LIPA: variants seen among roughly 807,000 people sequenced by gnomAD.
LIPA encodes the protein lysosomal acid lipase/cholesteryl ester hydrolase.
Under a neutral mutation model 40.6 loss-of-function variants are expected in LIPA, and 26 were observed. That is an observed-to-expected ratio of 0.64 (90% CI 0.47 to 0.89). The LOEUF is 0.89. LIPA is among the 40% of genes least tolerant of loss of function. LIPA has a pLI of 0.00. For missense variants in LIPA, 455 were observed against 479.6 expected, an observed-to-expected ratio of 0.95 and a Z score of 0.48; for synonymous variants, 188 against 168.4, an observed-to-expected ratio of 1.12 and a Z score of -0.90.
chr10:89,237,898 T>A (rs1203201113), intron 3 of LIPA, among the ~76,000 whole-genome samples: 3 of 152,174 alleles, frequency 2.0e-5, no homozygotes, highest in Non-Finnish European at 4.4e-5. Flanking sequence ...CAGGAGGTCA[T>A]AAGGACCTTT....
At chr10:89,406,875 A>G (rs967137807) in intron 2 of LIPA, among the ~76,000 whole-genome samples, 3 of 152,152 alleles carry the variant, frequency 2.0e-5, no homozygotes, top group Non-Finnish European at 4.4e-5. Context: ...CCTATCACCT[A>G]TCGCCAAGCA....
Position 89,317,704 on chromosome 10 carries a change from G to C in LIPA, c.-2+24907C>G, listed in dbSNP as rs144569932. ...AAGGGAGGCTAACATTCAAATTCAG[G>C]AAATACGGAGAACGCCACAAAGATA... is the stretch of plus-strand genomic sequence containing the variant. On this transcript the variant is annotated intron_variant, in intron 1 of 5. Transcript: ENST00000282673. Among the ~76,000 whole-genome samples the C allele has an allele frequency of 6.7e-3, 1,024 of 152,278 alleles. 16 individuals carry two copies. Among genetic ancestry groups the C allele is most frequent in the East Asian group, 0.051 (266 of 5,186 alleles).
intron 1 of LIPA, 56 bp from the exon 2 acceptor site, chr10:89,247,705 T>C (rs1843047495): frequency 2.3e-6 from 3 of 1,287,690 alleles, no homozygotes; most frequent in Non-Finnish European, 2.2e-6. Flanking sequence ...ACAAAAATAT[T>C]CTGGTAACTT....
At position 89,319,937 on chromosome 10, in the gene LIPA, CA is replaced by C. The variant is rs1360743644; in HGVS notation, c.-2+22673del. Among the ~76,000 whole-genome samples, 3 of 152,210 alleles carry C rather than the reference CA, an allele frequency of 2.0e-5. No homozygotes were observed. The East Asian group carries it at 5.8e-4, about 29-fold the overall frequency. The stretch of plus-strand genomic sequence containing the variant: ...CATATGCAAATTAATAAATGTAATC[CA>C]GCATAAAAACAGAACCAAAGACAAA... On this transcript the variant is annotated intron_variant, in intron 1 of 5. Transcript: ENST00000282673.
chr10:89,244,466 C>T (rs1374583595), intron 3 of LIPA, among the ~76,000 whole-genome samples: 1 of 151,854 alleles, frequency 6.6e-6, no homozygotes, highest in Non-Finnish European at 1.5e-5. Context: ...TCTCCAGAAA[C>T]AAAAAAATGT....
intron 2 of LIPA, among the ~76,000 whole-genome samples, chr10:89,359,844 A>ACACAAAC (rs1844011374): frequency 9.0e-6 from 1 of 111,264 alleles, no homozygotes; most frequent in South Asian, 3.7e-4. Flanking sequence ...CACACACACA[A>ACACAAAC]ACACACACAC....
intron 5 of LIPA, among the ~76,000 whole-genome samples, chr10:89,225,816 A>G (rs577933999): frequency 5.1e-4 from 78 of 152,176 alleles, no homozygotes; most frequent in African/African-American, 1.8e-3. Context: ...GGTTCCCCCC[A>G]TACTGTTCTT....
At chr10:89,326,427 T>G (rs1257441025) in intron 1 of LIPA, among the ~76,000 whole-genome samples, 1 of 152,184 alleles carries the variant, frequency 6.6e-6, no homozygotes. Context: ...GAATGATGAT[T>G]ACTAGAGGCT....
chr10:89,355,417 A>G (rs1843983645), intron 2 of LIPA, among the ~76,000 whole-genome samples: 1 of 152,236 alleles, frequency 6.6e-6, no homozygotes, highest in Admixed American at 6.5e-5. Context: ...AATTTTTGCA[A>G]AGATGGTTTC....
At chr10:89,310,255 T>C (rs948647860) in intron 1 of LIPA, among the ~76,000 whole-genome samples, 4 of 152,138 alleles carry the variant, frequency 2.6e-5, no homozygotes, top group Non-Finnish European at 4.4e-5. Flanking sequence ...TCTTTCTCCA[T>C]AGAGCTCAGA....
chr10:89,227,784 AG>A (rs1282831928), intron 4 of LIPA, among the ~76,000 whole-genome samples: 5 of 152,206 alleles, frequency 3.3e-5, no homozygotes, highest in Non-Finnish European at 5.9e-5. Flanking sequence ...GAGACACAGG[AG>A]GCTTATGTAA....
At chr10:89,366,293 A>AT (rs1177953082) in intron 2 of LIPA, among the ~76,000 whole-genome samples, 1 of 152,060 alleles carries the variant, frequency 6.6e-6, no homozygotes, top group Non-Finnish European at 1.5e-5. Context: ...TTGCACATTG[A>AT]TTTTGTATCC....
chr10:89,306,180 G>C (rs754801512), intron 1 of LIPA: 1 of 1,614,132 alleles, frequency 6.2e-7, no homozygotes, highest in South Asian at 1.1e-5. Context: ...GAATGCTTAC[G>C]TAAAGCTGAA....
chr10:89,283,695 T>C (rs757361910), intron 1 of LIPA: 13 of 152,230 alleles, frequency 8.5e-5, no homozygotes, highest in Non-Finnish European at 1.8e-4. Flanking sequence ...GAAACCAGTG[T>C]AGTTATGTTG....
chr10:89,378,232 C>T (rs1352576775), intron 2 of LIPA: 6 of 1,276,614 alleles, frequency 4.7e-6, no homozygotes, highest in Admixed American at 3.4e-5. Flanking sequence ...CAGGCCTTCT[C>T]CTAAGGGAGC....
rs565578918 is a variant in LIPA, at chr10:89,216,119, C to T, written c.895-110G>A. On this transcript the variant is annotated intron_variant, in intron 8 of 9. Coordinates refer to ENST00000336233, the MANE Select transcript of LIPA (RefSeq NM_000235.4). ...CGGAAATCAACTTTATACCAATATC[C>T]AGATTTACTCTTCATTTCCAAGGCA... 1.1e-4 allele frequency: 81 copies of T among 759,316 alleles called. 1 individual carries two copies. In the South Asian group the frequency reaches 1.1e-3, roughly 10 times the overall value. The allele number at this position is 759,316 out of a possible 1,614,324, so 47.0% of individuals were successfully genotyped here. A position where few individuals can be genotyped will look rare whatever the true frequency, so the allele number is the denominator to read the frequency against.
At chr10:89,377,702 G>A (rs561086051) in intron 2 of LIPA, among the ~76,000 whole-genome samples, 1 of 152,300 alleles carries the variant, frequency 6.6e-6, no homozygotes, top group African/African-American at 2.4e-5. Flanking sequence ...GAACCACCTG[G>A]CGGGATACAT....
intron 5 of LIPA, among the ~76,000 whole-genome samples, 171 bp from the exon 6 acceptor site, chr10:89,225,399 G>A (rs1842756927): frequency 6.6e-6 from 1 of 152,196 alleles, no homozygotes; most frequent in South Asian, 2.1e-4. Context: ...ACTTCCGTGT[G>A]CCCTAACACT....
chr10:89,225,197 C>T lies in LIPA; in HGVS notation c.570G>A (p.Leu190=). The T allele has an allele frequency of 6.2e-7, 1 of 1,614,146 alleles. No homozygotes were observed. The highest frequency in any genetic ancestry group is 8.5e-7 in the Non-Finnish European group (1 of 1,180,014). The change falls in exon 6 of 10, where the codon CTG becomes CTA. Residue 190 remains leucine (L), a synonymous_variant. Transcript: ENST00000336233. Reference sequence around the variant, plus strand: ...CAAAAAACATTTTAATCCTTTTAGCCAGCTCAGGGATCTGTGAAAATGCTA... The same window carrying T: ...CAAAAAACATTTTAATCCTTTTAGCTAGCTCAGGGATCTGTGAAAATGCTA... ...GFIAFSQIPE[L]AKRIKMFFAL...
Sources: allele counts gnomAD v4.1 joint callset (sites outside exome capture counted in the v4.1 genomes callset), GRCh38; gene constraint gnomAD v4.1.1; transcripts MANE v1.5; gene names NCBI Gene and HGNC (gene_info 2026-07-23, HGNC 2026-07-21).